GARIN2: variants seen among roughly 807,000 people sequenced by gnomAD.
GARIN2 encodes golgi associated RAB2 interactor family member 2, also known as Golgi-associated RAB2 interactor protein 2.
the GARIN2 span, chr14:67,203,383 G>T: frequency 9.3e-7 from 1 of 1,072,206 alleles, no homozygotes; most frequent in East Asian, 2.6e-5. Flanking sequence ...TGACAATTGC[G>T]CCAGTGGAGC....
the GARIN2 span, chr14:67,208,532 G>A: frequency 7.2e-7 from 1 of 1,387,072 alleles, no homozygotes; most frequent in Non-Finnish European, 9.7e-7. Flanking sequence ...TCTTAACTCA[G>A]GCATCTGCCA....
chr14:67,218,449 G>A, the GARIN2 span, among the ~76,000 whole-genome samples: 1 of 152,192 alleles, frequency 6.6e-6, no homozygotes, highest in Non-Finnish European at 1.5e-5. Context: ...GCTCACTGGG[G>A]ACAGCCTGTG....
At chr14:67,198,516 A>C in the GARIN2 span, among the ~76,000 whole-genome samples, 1 of 152,222 alleles carries the variant, frequency 6.6e-6, no homozygotes, top group Non-Finnish European at 1.5e-5. Context: ...AATGTCCCCA[A>C]AACTCTTGTG....
At chr14:67,200,003 G>T in the GARIN2 span, 2 of 1,011,602 alleles carry the variant, frequency 2.0e-6, no homozygotes, top group Non-Finnish European at 2.9e-6. Flanking sequence ...GCACACCATG[G>T]ACCTCATGGT....
the GARIN2 span, chr14:67,204,673 C>G: frequency 6.2e-7 from 1 of 1,613,924 alleles, no homozygotes; most frequent in East Asian, 2.2e-5. Context: ...CTTGTTTTCT[C>G]AATGGGTGGC....
the GARIN2 span, among the ~76,000 whole-genome samples, chr14:67,225,958 T>TGC: frequency 8.5e-5 from 11 of 130,108 alleles, no homozygotes; most frequent in African/African-American, 3.8e-4. Flanking sequence ...TGTGTGTGTG[T>TGC]GTGTGCGCGC....
chr14:67,208,070 C>T, the GARIN2 span: 1 of 1,342,988 alleles, frequency 7.4e-7, no homozygotes, highest in African/African-American at 1.5e-5. Flanking sequence ...AGCCTCACTC[C>T]CTCCTTACTA....
the GARIN2 span, chr14:67,200,057 C>T: frequency 3.2e-6 from 3 of 938,334 alleles, no homozygotes; most frequent in African/African-American, 3.3e-5. Context: ...GGGGGACAGC[C>T]ACCACCCCAA....
At chr14:67,191,632 G>A in the GARIN2 span, among the ~76,000 whole-genome samples, 230 of 152,212 alleles carry the variant, frequency 1.5e-3, 1 homozygote, top group Non-Finnish European at 2.7e-3. Context: ...TCCCATATCC[G>A]TATCTAAGAA....
chr14:67,225,926 AGTGTGTGTGTGT>A, the GARIN2 span, among the ~76,000 whole-genome samples: 2 of 136,630 alleles, frequency 1.5e-5, no homozygotes, highest in African/African-American at 5.5e-5. Flanking sequence ...TAATGCTGTG[AGTGTGTGTGTGT>A]GTGTGTGTGT....
the GARIN2 span, chr14:67,198,902 C>T: frequency 7.2e-6 from 5 of 692,128 alleles, no homozygotes; most frequent in South Asian, 7.5e-5. Context: ...CTCTAAAGTT[C>T]CTAGAAATTC....
At chr14:67,209,491 A>G in the GARIN2 span, among the ~76,000 whole-genome samples, 1 of 152,184 alleles carries the variant, frequency 6.6e-6, no homozygotes, top group African/African-American at 2.4e-5. Context: ...AAAAAAATAA[A>G]TACACTCATA....
chr14:67,225,926 A>AGTGTGTGTGTGTGTGT, the GARIN2 span, among the ~76,000 whole-genome samples: 2,799 of 136,610 alleles, frequency 0.02, 49 homozygotes, highest in Middle Eastern at 0.034. Context: ...TAATGCTGTG[A>AGTGTGTGTGTGTGTGT]GTGTGTGTGT....
At chr14:67,193,144 A>C in the GARIN2 span, among the ~76,000 whole-genome samples, 127 of 143,158 alleles carry the variant, frequency 8.9e-4, no homozygotes, top group Non-Finnish European at 1.3e-3. Flanking sequence ...ATAGACATCT[A>C]TCTATATATC....
the GARIN2 span, among the ~76,000 whole-genome samples, chr14:67,191,664 G>GCTCC: frequency 6.6e-6 from 1 of 152,132 alleles, no homozygotes; most frequent in Admixed American, 6.6e-5. Flanking sequence ...AGCCCTAATG[G>GCTCC]AGCCTTGATC....
the GARIN2 span, chr14:67,225,068 C>G: frequency 4.7e-6 from 7 of 1,496,792 alleles, no homozygotes; most frequent in Non-Finnish European, 6.2e-6. Flanking sequence ...CACTTCCTCT[C>G]TATTGATCTC....
chr14:67,213,734 C>A, the GARIN2 span, among the ~76,000 whole-genome samples: 1 of 152,106 alleles, frequency 6.6e-6, no homozygotes, highest in African/African-American at 2.4e-5. Flanking sequence ...CCTGAGGAAT[C>A]GCCACACTGA....
At chr14:67,193,377 C>G in the GARIN2 span, among the ~76,000 whole-genome samples, 1 of 130,866 alleles carries the variant, frequency 7.6e-6, no homozygotes, top group Admixed American at 7.7e-5. Context: ...ATCTATATAT[C>G]TAGATATATC....
the GARIN2 span, among the ~76,000 whole-genome samples, chr14:67,217,795 A>G: frequency 9.9e-5 from 15 of 151,852 alleles, no homozygotes; most frequent in African/African-American, 3.4e-4. Flanking sequence ...GACATTTTCT[A>G]TGTTTTCTTA....
Sources: allele counts gnomAD v4.1 joint callset (sites outside exome capture counted in the v4.1 genomes callset), GRCh38; gene constraint gnomAD v4.1.1; transcripts MANE v1.5; gene names NCBI Gene and HGNC (gene_info 2026-07-23, HGNC 2026-07-21).